CPA6: variants seen among roughly 807,000 people sequenced by gnomAD.
CPA6 encodes carboxypeptidase B.
CPA6 carries 58 observed loss-of-function variants against 63.3 expected under a neutral mutation model. The ratio of observed to expected loss-of-function variants is 0.92; its 90% CI spans 0.74 to 1.14. The LOEUF is 1.14. Among genes scored for constraint, CPA6 ranks in the 50% most tolerant of loss-of-function variants. CPA6 has a pLI of 0.00. For missense variants in CPA6, 565 were observed against 526.6 expected (o/e 1.07, Z -0.71); for synonymous variants, 185 against 179.0 (o/e 1.03, Z -0.27).
intron 2 of CPA6, among the ~76,000 whole-genome samples, chr8:67,616,478 T>A (rs903205231): frequency 6.6e-6 from 1 of 150,848 alleles, no homozygotes; most frequent in Admixed American, 6.6e-5. Flanking sequence ...TCATCCTCCA[T>A]CTGGGATTTG....
At chr8:67,470,749 AC>A (rs1811039675) in intron 8 of CPA6, among the ~76,000 whole-genome samples, 1 of 152,210 alleles carries the variant, frequency 6.6e-6, no homozygotes, top group Admixed American at 6.5e-5. Context: ...TTTTAAAATA[AC>A]AATTCTTCAC....
At chr8:67,649,074 A>G (rs1286941123) in intron 1 of CPA6, among the ~76,000 whole-genome samples, 2 of 152,062 alleles carry the variant, frequency 1.3e-5, no homozygotes, top group African/African-American at 4.8e-5. Context: ...CACAGTTCAC[A>G]CAGAAGGCAA....
intron 1 of CPA6, among the ~76,000 whole-genome samples, chr8:67,642,742 C>A (rs540864438): frequency 6.6e-6 from 1 of 151,278 alleles, no homozygotes; most frequent in South Asian, 2.1e-4. Flanking sequence ...ATAAATAGAA[C>A]TGGAACAACT....
At chr8:67,571,246 A>G (rs1013753274) in intron 2 of CPA6, among the ~76,000 whole-genome samples, 13 of 152,200 alleles carry the variant, frequency 8.5e-5, no homozygotes, top group Non-Finnish European at 1.8e-4. Context: ...TTGCCATTCA[A>G]TAGCAGCAGG....
intron 2 of CPA6, among the ~76,000 whole-genome samples, chr8:67,574,797 GA>G (rs1176086118): frequency 6.7e-6 from 1 of 149,600 alleles, no homozygotes; most frequent in Non-Finnish European, 1.5e-5. Flanking sequence ...AAACATAGGG[GA>G]AAAAACTACA....
intron 1 of CPA6, among the ~76,000 whole-genome samples, chr8:67,676,228 T>C (rs1220468322): frequency 6.6e-6 from 1 of 152,186 alleles, no homozygotes; most frequent in East Asian, 1.9e-4. Context: ...ATAAGGATCT[T>C]TGGGACAATT....
Position 67,434,074 on chromosome 8 carries a change from A to T in CPA6, c.1005T>A (p.Ser335=). 1 of 1,613,578 alleles carries T rather than the reference A, an allele frequency of 6.2e-7. No individual in the cohort carries two copies. The highest frequency in any genetic ancestry group is 8.5e-7 in the Non-Finnish European group (1 of 1,179,856). ...AATTGGGAATTGTTGCATATTTGTA[A>T]GAATAGGGATACAGTAACATCTGAG... is the stretch of plus-strand genomic sequence containing the variant. The part of the protein sequence containing the change: ...AYAQMLLYPY[S]YKYATIPNFR... The change falls in exon 9 of 11, where the codon TCT becomes TCA. Residue 335 remains serine (S), a synonymous_variant. Coordinates refer to ENST00000297770, the MANE Select transcript of CPA6 (RefSeq NM_020361.5).
At chr8:67,726,746 A>T (rs1038993408) in intron 1 of CPA6, among the ~76,000 whole-genome samples, 1 of 152,224 alleles carries the variant, frequency 6.6e-6, no homozygotes, top group South Asian at 2.1e-4. Context: ...GCATTATTCT[A>T]AGCCGAAAGG....
chr8:67,688,121 A>G (rs1816743235), intron 1 of CPA6, among the ~76,000 whole-genome samples: 1 of 152,164 alleles, frequency 6.6e-6, no homozygotes, highest in Non-Finnish European at 1.5e-5. Context: ...CTGAGATCAC[A>G]TCACTGAACT....
At chr8:67,626,523 A>G (rs1815197913) in intron 1 of CPA6, among the ~76,000 whole-genome samples, 1 of 152,236 alleles carries the variant, frequency 6.6e-6, no homozygotes, top group East Asian at 1.9e-4. Flanking sequence ...CATGAAGTTC[A>G]TATTTCTGGA....
chr8:67,489,010 G>T (rs969645662), intron 6 of CPA6, among the ~76,000 whole-genome samples: 1 of 152,140 alleles, frequency 6.6e-6, no homozygotes, highest in Non-Finnish European at 1.5e-5. Flanking sequence ...GGGACAATTC[G>T]ACTTCCTCAT....
At chr8:67,430,515 A>G (rs1810004086) in intron 9 of CPA6, among the ~76,000 whole-genome samples, 1 of 152,168 alleles carries the variant, frequency 6.6e-6, no homozygotes, top group African/African-American at 2.4e-5. Context: ...ACATTGCCAG[A>G]AATACCGAAT....
chr8:67,583,100 T>C (rs1450047162), intron 2 of CPA6, among the ~76,000 whole-genome samples: 2 of 150,932 alleles, frequency 1.3e-5, no homozygotes, highest in African/African-American at 4.9e-5. Context: ...TTTAGCACGA[T>C]GAAGTGGGGA....
chr8:67,724,566 C>T (rs1371052298), intron 1 of CPA6, among the ~76,000 whole-genome samples: 2 of 152,188 alleles, frequency 1.3e-5, no homozygotes, highest in East Asian at 3.9e-4. Context: ...GAGAAGACAC[C>T]TGTGTAGCAC....
chr8:67,696,942 C>T (rs1292649468), intron 1 of CPA6, among the ~76,000 whole-genome samples: 3 of 152,192 alleles, frequency 2.0e-5, no homozygotes, highest in South Asian at 2.1e-4. Context: ...TAAATACATT[C>T]GTCTAGCTCA....
intron 2 of CPA6, among the ~76,000 whole-genome samples, chr8:67,623,414 T>A (rs1167866273): frequency 2.0e-5 from 3 of 152,066 alleles, no homozygotes; most frequent in African/African-American, 7.2e-5. Context: ...AAATTTTCTT[T>A]TTTTTTTTCT....
chr8:67,558,322 T>C (rs930555085), intron 2 of CPA6, among the ~76,000 whole-genome samples: 2 of 152,204 alleles, frequency 1.3e-5, no homozygotes, highest in East Asian at 1.9e-4. Context: ...TTTCGTAGCC[T>C]TTATCACCAT....
At chr8:67,496,368 C>T (rs1344333521) in intron 6 of CPA6, among the ~76,000 whole-genome samples, 2 of 151,612 alleles carry the variant, frequency 1.3e-5, no homozygotes, top group African/African-American at 2.4e-5. Context: ...ATATAAATAT[C>T]TTCTGAGGGA....
intron 2 of CPA6, among the ~76,000 whole-genome samples, chr8:67,552,065 C>T (rs1812950242): frequency 6.6e-6 from 1 of 152,214 alleles, no homozygotes; most frequent in East Asian, 1.9e-4. Flanking sequence ...TGTAAACACG[C>T]TGTTAAAAAA....
Sources: gnomAD v4.1 joint callset for allele counts (sites outside exome capture counted in the v4.1 genomes callset) on GRCh38, gnomAD v4.1.1 for gene constraint, MANE v1.5 for transcripts, NCBI Gene and HGNC (gene_info 2026-07-23, HGNC 2026-07-21) for gene names.